SLC14A2: variants seen among roughly 807,000 people sequenced by gnomAD.
SLC14A2 encodes the protein solute carrier family 14 member 2.
SLC14A2 carries 91 observed loss-of-function variants against 104.6 expected under a neutral mutation model. The observed-to-expected ratio is 0.87, with a 90% CI of 0.73 to 1.04. The LOEUF is 1.04. Among genes scored for constraint, SLC14A2 ranks in the 50% least tolerant of loss-of-function variants. The pLI is 0.00. For missense variants in SLC14A2, 1,189 were observed against 1,156.0 expected (o/e 1.03, Z -0.41); for synonymous variants, 476 against 466.4 (o/e 1.02, Z -0.27).
intron 1 of SLC14A2, among the ~76,000 whole-genome samples, chr18:45,460,240 G>A (rs2087019938): frequency 6.6e-6 from 1 of 152,184 alleles, no homozygotes. Flanking sequence ...CCAGGCAAAG[G>A]AGAGGAGGTA....
At chr18:45,347,291 G>T (rs993860003) in intron 1 of SLC14A2, among the ~76,000 whole-genome samples, 2 of 151,922 alleles carry the variant, frequency 1.3e-5, no homozygotes, top group Non-Finnish European at 2.9e-5. Context: ...GGGGACAGAG[G>T]TTGCATTGAG....
chr18:45,540,003 A>G (rs1395474952), intron 2 of SLC14A2, among the ~76,000 whole-genome samples: 1 of 152,096 alleles, frequency 6.6e-6, no homozygotes, highest in African/African-American at 2.4e-5. Flanking sequence ...GCAATAGGCA[A>G]CTCGTAAAAT....
chr18:45,329,263 T>C (rs1410482039), intron 1 of SLC14A2, among the ~76,000 whole-genome samples: 2 of 152,154 alleles, frequency 1.3e-5, no homozygotes, highest in African/African-American at 4.8e-5. Context: ...GAAATGGCCA[T>C]ACAATTATAT....
At chr18:45,444,683 T>C (rs1266655721) in intron 1 of SLC14A2, among the ~76,000 whole-genome samples, 2 of 152,212 alleles carry the variant, frequency 1.3e-5, no homozygotes, top group Non-Finnish European at 2.9e-5. Flanking sequence ...TGAGCCAGCT[T>C]TCTCTATTTC....
chr18:45,254,031 G>T (rs2084449766), intron 1 of SLC14A2, among the ~76,000 whole-genome samples: 1 of 152,106 alleles, frequency 6.6e-6, no homozygotes. Flanking sequence ...CGCTAGAAGG[G>T]GCCCTAGGGG....
the SLC14A2 span, among the ~76,000 whole-genome samples, chr18:45,201,568 G>GTA: frequency 6.6e-6 from 1 of 151,852 alleles, no homozygotes; most frequent in African/African-American, 2.4e-5. Flanking sequence ...GTGTGTGTGT[G>GTA]TGTGTGTGAT....
intron 1 of SLC14A2, among the ~76,000 whole-genome samples, chr18:45,294,130 G>T (rs1462329624): frequency 6.6e-6 from 1 of 152,164 alleles, no homozygotes; most frequent in Non-Finnish European, 1.5e-5. Flanking sequence ...CACATAGAAT[G>T]AGAGTCTTCA....
intron 2 of SLC14A2, among the ~76,000 whole-genome samples, chr18:45,574,337 G>A (rs1051057512): frequency 6.6e-6 from 1 of 152,182 alleles, no homozygotes; most frequent in Non-Finnish European, 1.5e-5. Context: ...GTGGTGAGAG[G>A]TAGGTTAAAG....
intron 1 of SLC14A2, chr18:45,483,178 A>G (rs1019003458): frequency 1.3e-5 from 2 of 152,138 alleles, no homozygotes; most frequent in Non-Finnish European, 2.9e-5. Context: ...TACCTTTTCA[A>G]GAAGCGATTT....
At position 45,666,184 on chromosome 18, in the gene SLC14A2, C is replaced by A; in HGVS notation, c.1522C>A (p.Pro508Thr). 3 of 1,613,946 alleles carry A rather than the reference C, an allele frequency of 1.9e-6. No individual in the cohort carries two copies. The highest frequency in any genetic ancestry group is 2.5e-6 in the Non-Finnish European group (3 of 1,179,808). ...HQERQNKDPF[P>T]YRYRKPTVEL... ...GGAAAGACAAAACAAAGACCCATTTCCCTATCGATACCGGAAGCCCACAGT... is the reference window on the plus strand; with the variant it reads ...GGAAAGACAAAACAAAGACCCATTTACCTATCGATACCGGAAGCCCACAGT... The change falls in exon 12 of 20, where the codon CCC becomes ACC. Residue 508 changes from proline to threonine, a missense_variant. Transcript: ENST00000255226.
intron 1 of SLC14A2, among the ~76,000 whole-genome samples, chr18:45,416,374 G>C (rs375466695): frequency 6.6e-6 from 1 of 151,644 alleles, no homozygotes; most frequent in Non-Finnish European, 1.5e-5. Flanking sequence ...TCATGTGAGC[G>C]TTTATCACAG....
chr18:45,596,606 G>T (rs910319296), intron 2 of SLC14A2, among the ~76,000 whole-genome samples: 4 of 152,202 alleles, frequency 2.6e-5, no homozygotes, highest in Non-Finnish European at 5.9e-5. Flanking sequence ...CCATCAGGAA[G>T]GGCAGCTGGA....
intron 10 of SLC14A2, among the ~76,000 whole-genome samples, chr18:45,655,806 T>C (rs2045826407): frequency 6.6e-6 from 1 of 152,206 alleles, no homozygotes; most frequent in Non-Finnish European, 1.5e-5. Flanking sequence ...GTAACTCCTT[T>C]TGAGATACAA....
At chr18:45,467,284 G>A (rs1164974943) in intron 1 of SLC14A2, among the ~76,000 whole-genome samples, 7 of 152,192 alleles carry the variant, frequency 4.6e-5, no homozygotes, top group Admixed American at 3.3e-4. Context: ...CTGGCCTCAC[G>A]AATAACTGGT....
At chr18:45,487,484 A>G (rs1237348886) in intron 2 of SLC14A2, among the ~76,000 whole-genome samples, 2 of 152,156 alleles carry the variant, frequency 1.3e-5, no homozygotes, top group Non-Finnish European at 2.9e-5. Context: ...TTGAGTAGAG[A>G]TGGGCATTAT....
At chr18:45,324,036 G>A in intron 1 of SLC14A2, among the ~76,000 whole-genome samples, 1 of 152,164 alleles carries the variant, frequency 6.6e-6, no homozygotes, top group Non-Finnish European at 1.5e-5. Context: ...TAATTTGAAA[G>A]CACAAAAACC....
At chr18:45,578,891 C>T (rs1174563362) in intron 2 of SLC14A2, among the ~76,000 whole-genome samples, 7 of 152,196 alleles carry the variant, frequency 4.6e-5, no homozygotes, top group Admixed American at 3.9e-4. Flanking sequence ...GCTGGCTGGT[C>T]TAGGATGGCC....
At chr18:45,367,075 G>T (rs1228881876) in intron 1 of SLC14A2, among the ~76,000 whole-genome samples, 1 of 152,194 alleles carries the variant, frequency 6.6e-6, no homozygotes, top group African/African-American at 2.4e-5. Flanking sequence ...ATGAAGAAAG[G>T]TGTTTCTTTG....
rs144348561 is a variant in SLC14A2, at chr18:45,383,801, T to C, written c.-124-99432T>C. Among the ~76,000 whole-genome samples, 291 of 152,270 alleles carry C rather than the reference T, an allele frequency of 1.9e-3. 2 individuals carry two copies. Among genetic ancestry groups the C allele is most frequent in the Middle Eastern group, 0.01 (3 of 294 alleles). On this transcript the variant is annotated intron_variant, in intron 1 of 20. Coordinates refer to the SLC14A2 transcript ENST00000586448. Reference sequence around the variant, plus strand: ...GAGCAATCTGAAAAATAACCTTGCATGGCTGCCCTGGGCTCTGCTTGCCTG... The same window carrying C: ...GAGCAATCTGAAAAATAACCTTGCACGGCTGCCCTGGGCTCTGCTTGCCTG...
Sources: allele counts gnomAD v4.1 joint callset (sites outside exome capture counted in the v4.1 genomes callset), GRCh38; gene constraint gnomAD v4.1.1; transcripts MANE v1.5; gene names NCBI Gene and HGNC (gene_info 2026-07-23, HGNC 2026-07-21).